Variants in MGAT4C observed in about 807,000 individuals in gnomAD.
MGAT4C encodes the protein MGAT4 family member C.
A neutral mutation model predicts 40.1 loss-of-function variants in MGAT4C; 19 were observed. That is an observed-to-expected ratio of 0.47 (90% confidence interval 0.33 to 0.70). The LOEUF is 0.70. MGAT4C is among the 30% of genes least tolerant of loss of function. The pLI is 0.02. For missense variants in MGAT4C, 491 were observed against 563.2 expected (o/e 0.87, Z 1.30); for synonymous variants, 181 against 187.1 (o/e 0.97, Z 0.27).
chr12:86,581,002 T>C (rs548331123), intron 2 of MGAT4C, among the ~76,000 whole-genome samples: 4 of 151,644 alleles, frequency 2.6e-5, no homozygotes, highest in African/African-American at 7.2e-5. Flanking sequence ...TGTGCTGGCA[T>C]AGTGGGTTGG....
chr12:86,051,733 T>C (rs1892912006), intron 1 of MGAT4C, among the ~76,000 whole-genome samples: 1 of 151,238 alleles, frequency 6.6e-6, no homozygotes, highest in African/African-American at 2.4e-5. Context: ...AATAATAGAA[T>C]TGTACTAGAT....
At chr12:86,266,120 A>G (rs1311614142) in intron 4 of MGAT4C, among the ~76,000 whole-genome samples, 1 of 152,096 alleles carries the variant, frequency 6.6e-6, no homozygotes, top group Non-Finnish European at 1.5e-5. Flanking sequence ...GAGTTTGTAT[A>G]CCTTTTATTT....
chr12:86,389,441 A>G (rs1055952105), intron 3 of MGAT4C, among the ~76,000 whole-genome samples: 1 of 152,032 alleles, frequency 6.6e-6, no homozygotes, highest in Non-Finnish European at 1.5e-5. Flanking sequence ...ATTCATTCTA[A>G]CATTGATGGG....
intron 1 of MGAT4C, among the ~76,000 whole-genome samples, chr12:86,103,068 A>G (rs776982576): frequency 6.6e-6 from 1 of 152,130 alleles, no homozygotes; most frequent in Non-Finnish European, 1.5e-5. Flanking sequence ...GGCATTTTGA[A>G]GCAGTGGATA....
At chr12:86,470,294 G>A (rs941004748) in intron 2 of MGAT4C, among the ~76,000 whole-genome samples, 6 of 152,110 alleles carry the variant, frequency 3.9e-5, no homozygotes, top group African/African-American at 1.4e-4. Flanking sequence ...AAGTCATATG[G>A]AAATAGTACC....
At chr12:86,046,212 T>C (rs1317406802) in intron 2 of MGAT4C, among the ~76,000 whole-genome samples, 1 of 152,232 alleles carries the variant, frequency 6.6e-6, no homozygotes, top group African/African-American at 2.4e-5. Context: ...ATTTCTGGTA[T>C]GACTTTGTAA....
At chr12:86,746,058 T>C (rs1242280618) in intron 1 of MGAT4C, among the ~76,000 whole-genome samples, 1 of 151,678 alleles carries the variant, frequency 6.6e-6, no homozygotes, top group Non-Finnish European at 1.5e-5. Flanking sequence ...TTCACTCTGC[T>C]CACAGAAAGC....
At chr12:86,826,211 C>T (rs1043375766) in intron 1 of MGAT4C, among the ~76,000 whole-genome samples, 4 of 151,420 alleles carry the variant, frequency 2.6e-5, no homozygotes, top group South Asian at 2.1e-4. Flanking sequence ...AGCCATTCAT[C>T]GCTATCGACT....
chr12:86,245,475 A>T (rs1376509965), intron 1 of MGAT4C, among the ~76,000 whole-genome samples: 1 of 152,080 alleles, frequency 6.6e-6, no homozygotes, highest in East Asian at 1.9e-4. Context: ...GGCATCCTCA[A>T]ATTGTTTTTG....
At position 86,400,786 on chromosome 12, in the gene MGAT4C, T is replaced by C. The variant is rs1166657518; in HGVS notation, c.-120+34371A>G. Reference sequence around the variant, plus strand: ...GCCTTTTATGGTCAGCAGGCTAATATAGAGGTAGTCATAATGACAAAAACA... The same window carrying C: ...GCCTTTTATGGTCAGCAGGCTAATACAGAGGTAGTCATAATGACAAAAACA... On this transcript the variant is annotated intron_variant, in intron 3 of 7. Transcript: ENST00000548651. Among the ~76,000 whole-genome samples, 5 of 152,212 alleles carry C rather than the reference T, an allele frequency of 3.3e-5. No homozygotes were observed. In the East Asian group the frequency reaches 5.8e-4, roughly 18 times the overall value.
At chr12:86,437,328 T>A (rs1176175338) in intron 2 of MGAT4C, among the ~76,000 whole-genome samples, 3 of 151,808 alleles carry the variant, frequency 2.0e-5, no homozygotes, top group Non-Finnish European at 2.9e-5. Context: ...ATAGTCATAT[T>A]AAGGTCTTGA....
chr12:86,738,515 G>C (rs1951018429), intron 1 of MGAT4C, among the ~76,000 whole-genome samples: 2 of 151,222 alleles, frequency 1.3e-5, no homozygotes, highest in Non-Finnish European at 3.0e-5. Flanking sequence ...CTGATACACA[G>C]AGCAGGTACT....
At chr12:86,734,496 C>T (rs1295548038) in intron 1 of MGAT4C, among the ~76,000 whole-genome samples, 4 of 151,964 alleles carry the variant, frequency 2.6e-5, no homozygotes, top group African/African-American at 9.7e-5. Context: ...TATACAAATC[C>T]TCAGCCCCAA....
chr12:86,728,584 G>A (rs1272360446), intron 1 of MGAT4C, among the ~76,000 whole-genome samples: 3 of 152,158 alleles, frequency 2.0e-5, no homozygotes, highest in African/African-American at 4.8e-5. Context: ...CCAGCTGCTC[G>A]GGAAACCGAG....
chr12:86,013,305 G>A (rs1565858961), intron 2 of MGAT4C, among the ~76,000 whole-genome samples: 1 of 152,090 alleles, frequency 6.6e-6, no homozygotes, highest in Non-Finnish European at 1.5e-5. Flanking sequence ...CCAGGCTGGA[G>A]TGCAGTGGCG....
At chr12:86,285,144 C>G (rs778587496) in intron 4 of MGAT4C, among the ~76,000 whole-genome samples, 1 of 151,950 alleles carries the variant, frequency 6.6e-6, no homozygotes. Flanking sequence ...TAGAAATGTA[C>G]ATCATCTCCA....
chr12:86,237,162 A>G (rs559299408), intron 1 of MGAT4C, among the ~76,000 whole-genome samples: 232 of 151,808 alleles, frequency 1.5e-3, no homozygotes, highest in African/African-American at 5.3e-3. Flanking sequence ...ACACACAAAC[A>G]CACACATACA....
intron 1 of MGAT4C, chr12:86,744,951 GGAA>G (rs1951129908): frequency 6.6e-6 from 1 of 151,500 alleles, no homozygotes; most frequent in Non-Finnish European, 1.5e-5. Flanking sequence ...AGTGACTTGT[GGAA>G]GAAGAACCAT....
intron 1 of MGAT4C, among the ~76,000 whole-genome samples, chr12:86,225,377 T>C (rs1252257637): frequency 2.0e-5 from 3 of 152,010 alleles, no homozygotes; most frequent in South Asian, 2.1e-4. Flanking sequence ...AAAGAGAAAC[T>C]AATATCAATC....
Sources: allele counts gnomAD v4.1 joint callset (sites outside exome capture counted in the v4.1 genomes callset), GRCh38; gene constraint gnomAD v4.1.1; transcripts MANE v1.5; gene names NCBI Gene and HGNC (gene_info 2026-07-23, HGNC 2026-07-21).